Variants in PRKN observed in about 807,000 individuals in gnomAD.
The protein encoded by PRKN is E3 ubiquitin-protein ligase parkin.
Under a neutral mutation model 59.5 loss-of-function variants are expected in PRKN, and 56 were observed. The observed-to-expected ratio is 0.94, with a 90% CI of 0.76 to 1.18. PRKN has a LOEUF of 1.18. Among genes scored for constraint, PRKN ranks in the 50% most tolerant of loss-of-function variants. The pLI is 0.00. For synonymous variants in PRKN, 250 were observed against 222.1 expected (o/e 1.13, Z -1.12); for missense variants, 657 against 596.4 (o/e 1.10, Z -1.06).
At chr6:161,535,510 C>T (rs935893751) in intron 9 of PRKN, among the ~76,000 whole-genome samples, 2 of 152,134 alleles carry the variant, frequency 1.3e-5, no homozygotes, top group South Asian at 2.1e-4. Context: ...GACATTTGTC[C>T]GCTCATCATC....
chr6:161,901,929 G>A (rs1407558809), intron 6 of PRKN, among the ~76,000 whole-genome samples: 2 of 152,154 alleles, frequency 1.3e-5, no homozygotes, highest in African/African-American at 4.8e-5. Context: ...GAGAGAGTGG[G>A]ATGCCGAGTC....
chr6:161,400,497 G>A lies in PRKN; in HGVS notation c.1084-13620C>T, dbSNP rs1041022373. Among the ~76,000 whole-genome samples the A allele has an allele frequency of 3.9e-5, 6 of 151,938 alleles. No homozygotes were observed. Among genetic ancestry groups the A allele is most frequent in the African/African-American group, 1.2e-4 (5 of 41,356 alleles). On this transcript the variant is annotated intron_variant, in intron 9 of 11. Transcript: ENST00000366898. This position sits in a 1 kb window ranked among gnomAD's most constrained non-coding sequence, Gnocchi z 4.2. ...TAATTTTTGTATTTTTAGTAGAGAC[G>A]GGGTTTCGCTTTCGCCATATTGGCC...
intron 1 of PRKN, chr6:162,694,935 T>C (rs575720167): frequency 6.6e-6 from 1 of 152,284 alleles, no homozygotes; most frequent in Admixed American, 6.5e-5. Flanking sequence ...CCACAATAAT[T>C]ATGTGAATCA....
intron 1 of PRKN, among the ~76,000 whole-genome samples, chr6:162,718,175 A>T (rs560306600): frequency 2.9e-5 from 4 of 139,334 alleles, no homozygotes; most frequent in African/African-American, 8.1e-5. Context: ...TCACTTAATC[A>T]TCCTATCATC....
chr6:162,128,169 G>A (rs1377688520), intron 4 of PRKN, among the ~76,000 whole-genome samples: 1 of 152,220 alleles, frequency 6.6e-6, no homozygotes, highest in African/African-American at 2.4e-5. Flanking sequence ...CTGAGGGCAA[G>A]AGCCATGTCT....
intron 1 of PRKN, among the ~76,000 whole-genome samples, chr6:162,597,953 T>C (rs920429486): frequency 6.6e-6 from 1 of 152,226 alleles, no homozygotes; most frequent in Non-Finnish European, 1.5e-5. Flanking sequence ...TTATAATATA[T>C]TGAGCATTTT....
chr6:161,591,777 CTAACTA>C (rs1327443519), intron 7 of PRKN, among the ~76,000 whole-genome samples: 1 of 152,170 alleles, frequency 6.6e-6, no homozygotes, highest in Non-Finnish European at 1.5e-5. Flanking sequence ...TTAGTTTTCT[CTAACTA>C]TAAGATATTC....
At chr6:161,790,038 G>A (rs1000666580) in intron 6 of PRKN, among the ~76,000 whole-genome samples, 4 of 152,188 alleles carry the variant, frequency 2.6e-5, no homozygotes, top group Non-Finnish European at 5.9e-5. Flanking sequence ...ATCACAGGGC[G>A]TAGTTGAGAG....
intron 3 of PRKN, among the ~76,000 whole-genome samples, chr6:162,229,638 T>C (rs1778335584): frequency 6.6e-6 from 1 of 152,206 alleles, no homozygotes; most frequent in Non-Finnish European, 1.5e-5. Flanking sequence ...CCAGCCACTC[T>C]ACATCTACAT....
At chr6:161,504,531 T>TTTTA (rs773251743) in intron 9 of PRKN, among the ~76,000 whole-genome samples, 6 of 151,630 alleles carry the variant, frequency 4.0e-5, no homozygotes, top group Non-Finnish European at 8.8e-5. Context: ...AACTTTCTTT[T>TTTTA]TTATTATTAT....
At chr6:162,712,002 G>A (rs1431379188) in intron 1 of PRKN, among the ~76,000 whole-genome samples, 1 of 152,170 alleles carries the variant, frequency 6.6e-6, no homozygotes, top group Admixed American at 6.5e-5. Flanking sequence ...CAATACTGCA[G>A]GTTGGCTTCA....
chr6:161,676,483 T>G (rs6455757), intron 7 of PRKN, among the ~76,000 whole-genome samples: 1 of 152,120 alleles, frequency 6.6e-6, no homozygotes. Context: ...AAGAATACTA[T>G]TTCATGATGA....
At chr6:162,094,233 T>C (rs1334433245) in intron 4 of PRKN, among the ~76,000 whole-genome samples, 1 of 152,070 alleles carries the variant, frequency 6.6e-6, no homozygotes, top group Non-Finnish European at 1.5e-5. Flanking sequence ...TTCATGCCTA[T>C]AAGTCCAACA....
At chr6:162,098,326 G>C (rs1452050051) in intron 4 of PRKN, among the ~76,000 whole-genome samples, 1 of 152,140 alleles carries the variant, frequency 6.6e-6, no homozygotes, top group African/African-American at 2.4e-5. Flanking sequence ...AGGCAACTGG[G>C]AGTGGGCATA....
chr6:161,846,622 C>T (rs773796044), intron 6 of PRKN, among the ~76,000 whole-genome samples: 7 of 123,640 alleles, frequency 5.7e-5, no homozygotes, highest in Admixed American at 2.3e-4. Context: ...CATATGCTCA[C>T]ATGACAATAC....
At chr6:162,291,041 G>A (rs1781406280) in intron 2 of PRKN, among the ~76,000 whole-genome samples, 1 of 152,150 alleles carries the variant, frequency 6.6e-6, no homozygotes, top group Non-Finnish European at 1.5e-5. Context: ...GCGATGTCAT[G>A]GGTGATTTTC....
At chr6:161,656,940 C>A (rs1047707345) in intron 7 of PRKN, among the ~76,000 whole-genome samples, 1 of 152,170 alleles carries the variant, frequency 6.6e-6, no homozygotes, top group African/African-American at 2.4e-5. Flanking sequence ...AAGACGGGGA[C>A]TCGTAAGTTG....
chr6:161,485,367 CCTGTTTCCCTCTTCCTAATTCACCTTG>C (rs1350650388), intron 9 of PRKN, among the ~76,000 whole-genome samples: 1 of 152,178 alleles, frequency 6.6e-6, no homozygotes, highest in Non-Finnish European at 1.5e-5. Context: ...AAACCTGTGT[CCTGTTTCCCTCTTCCTAATTCACCTTG>C]CTCTTGCCTG....
intron 6 of PRKN, among the ~76,000 whole-genome samples, chr6:161,924,033 G>A (rs776954965): frequency 1.3e-5 from 2 of 152,110 alleles, no homozygotes; most frequent in Admixed American, 6.6e-5. Context: ...AGGCTCTGGC[G>A]CTTCGTAGTT....
Sources: gnomAD v4.1 joint callset for allele counts (sites outside exome capture counted in the v4.1 genomes callset) on GRCh38, gnomAD v4.1.1 for gene constraint, Gnocchi (gnomAD v3.1) non-coding constraint, MANE v1.5 for transcripts, NCBI Gene and HGNC (gene_info 2026-07-23, HGNC 2026-07-21) for gene names.